The following DENND2D variants were observed in gnomAD, a reference collection of about 807,000 sequenced individuals.
DENND2D encodes the protein DENN domain containing 2D, also known as DENN domain-containing protein 2D.
In DENND2D, 37 loss-of-function variants were observed where a neutral mutation model predicts 59.8. The observed-to-expected ratio is 0.62, with a 90% CI of 0.48 to 0.81. The LOEUF is 0.81. DENND2D is among the 40% of genes least tolerant of loss of function. The pLI is 0.00. For synonymous variants in DENND2D, 219 were observed against 211.3 expected (o/e 1.04, Z -0.31); for missense variants, 525 against 579.7 (o/e 0.91, Z 0.97).
chr1:111,200,898 C>A (rs1366276655), upstream of DENND2D: 2 of 216,796 alleles, frequency 9.2e-6, no homozygotes, highest in South Asian at 1.0e-4. Flanking sequence ...TAGTGTCAGA[C>A]TGTGGGCACT....
At chr1:111,187,720 G>C in intron 11 of DENND2D, 39 bp from the exon 12 acceptor site, 1 of 1,495,242 alleles carries the variant, frequency 6.7e-7, no homozygotes. Flanking sequence ...CATCTGATCT[G>C]GTCAGGCAGA....
Position 111,188,727 on chromosome 1 carries a change from A to C in DENND2D, c.1074T>G (p.Leu358=). 1 of 1,614,106 alleles carries C rather than the reference A, an allele frequency of 6.2e-7. No individual in the cohort carries two copies. Among genetic ancestry groups the C allele is most frequent in the Non-Finnish European group, 8.5e-7 (1 of 1,179,986 alleles). The stretch of plus-strand genomic sequence containing the variant: ...TCTTTAACTCATTGATCCCCTGACC[A>C]AGAGAGTCTAAGATGTCATCCTGAA... The part of the protein sequence containing the change: ...PKLQDDILDS[L]GQGINELKTA... The change falls in exon 10 of 12, where the codon CTT becomes CTG. Residue 358 remains leucine, a synonymous_variant. Coordinates refer to ENST00000357640, the MANE Select transcript of DENND2D (RefSeq NM_024901.5).
chr1:111,194,873 A>G, intron 6 of DENND2D, 147 bp from the exon 7 acceptor site: 3 of 870,054 alleles, frequency 3.4e-6, no homozygotes, highest in Non-Finnish European at 5.3e-6. Context: ...AATTGGCTGG[A>G]GGACAGCACT....
At chr1:111,188,881 C>G in intron 9 of DENND2D, 95 bp from the exon 10 acceptor site, 1 of 1,021,820 alleles carries the variant, frequency 9.8e-7, no homozygotes, top group Non-Finnish European at 1.5e-6. Flanking sequence ...ATTCTACACC[C>G]CCACTCCACC....
intron 10 of DENND2D, 26 bp downstream of exon 10, chr1:111,188,676 G>A: frequency 6.3e-7 from 1 of 1,592,018 alleles, no homozygotes; most frequent in Non-Finnish European, 8.6e-7. Context: ...TGCCTGGAGA[G>A]ACCCAAAATA....
Position 111,187,526 on chromosome 1 carries a change from T to C in DENND2D, c.*79A>G. 9 of 1,244,094 alleles carry C rather than the reference T, an allele frequency of 7.2e-6. No homozygotes were observed. Among genetic ancestry groups the C allele is most frequent in the South Asian group, 1.2e-5 (1 of 81,144 alleles). The allele number at this position is 1,244,094 out of a possible 1,614,324, so 77.1% of individuals were successfully genotyped here. On this transcript the variant is annotated 3_prime_UTR_variant, in exon 12 of 12. Transcript: ENST00000357640. ...ATATGGATTTTGGGAGCTGACAGTT[T>C]TGCTGATCCTGCCACACTGGCAGGG... is the stretch of plus-strand genomic sequence containing the variant.
chr1:111,201,618 G>A (rs1291048981), upstream of DENND2D, among the ~76,000 whole-genome samples: 1 of 152,196 alleles, frequency 6.6e-6, no homozygotes, highest in Non-Finnish European at 1.5e-5. Context: ...ACCCCTGAAT[G>A]AGTAAATACA....
chr1:111,192,467 C>T, intron 7 of DENND2D, 150 bp from the exon 8 acceptor site: 1 of 771,058 alleles, frequency 1.3e-6, no homozygotes, highest in Non-Finnish European at 1.9e-6. Flanking sequence ...GGTCACAGAG[C>T]TTGAACGTAC....
Position 111,200,430 on chromosome 1 carries a change from G to C in DENND2D, c.30C>G (p.Phe10Leu). 1 of 1,612,324 alleles carries C rather than the reference G, an allele frequency of 6.2e-7. No individual in the cohort carries two copies. The highest frequency in any genetic ancestry group is 8.5e-7 in the Non-Finnish European group (1 of 1,179,182). The change falls in exon 1 of 12, where the codon TTC (phenylalanine) becomes TTG (leucine). Residue 10 changes from phenylalanine (F) to leucine (L), a missense_variant. Physicochemically the swap from Phe to Leu is conservative, Grantham distance 22. This residue lies in a region of DENND2D where 253 missense variants were observed against 246.4 expected (regional missense o/e 1.03). Transcript: ENST00000357640. The stretch of plus-strand genomic sequence containing the variant: ...GAAGCAGTCGGCGTTGGAAGAGCCT[G>C]AACACCCGGCCTACCACTTGTCCTT... MEGQVVGRV[F>L]RLFQRRLLQL...
chr1:111,198,548 G>A, intron 3 of DENND2D, 82 bp downstream of exon 3: 1 of 1,343,194 alleles, frequency 7.4e-7, no homozygotes, highest in South Asian at 1.2e-5. Flanking sequence ...TGACAGCAGT[G>A]AGGGAGGCTA....
chr1:111,191,950 TCTAGGCA>T (rs1657814020), intron 8 of DENND2D, among the ~76,000 whole-genome samples, 183 bp downstream of exon 8: 1 of 152,182 alleles, frequency 6.6e-6, no homozygotes, highest in African/African-American at 2.4e-5. Flanking sequence ...GGTTAGGAGC[TCTAGGCA>T]GGTGGTTTCC....
chr1:111,198,869 T>C (rs1236804227), intron 2 of DENND2D, 127 bp from the exon 3 acceptor site: 16 of 883,922 alleles, frequency 1.8e-5, no homozygotes, highest in Non-Finnish European at 2.8e-5. Context: ...TCCACTAGCA[T>C]AGGGGCGAAG....
chr1:111,196,084 C>A (rs370888665), intron 5 of DENND2D, 28 bp from the exon 6 acceptor site: 23 of 1,585,060 alleles, frequency 1.5e-5, no homozygotes, highest in Admixed American at 3.4e-5. Flanking sequence ...ACGGGAGGCA[C>A]GGCTCAAAGG....
Position 111,197,992 on chromosome 1 carries a change from A to G in DENND2D, c.357-3T>C. 1 of 1,613,864 alleles carries G rather than the reference A, an allele frequency of 6.2e-7. No homozygotes were observed. Among genetic ancestry groups the G allele is most frequent in the African/African-American group, 1.3e-5 (1 of 75,040 alleles). ...TCAGAACGAAGGAGAAGGTCTCCCT[A>G]AGAAAGAGCAGACAAGGCTTGATTT... On this transcript the variant is annotated splice_region_variant and splice_polypyrimidine_tract_variant and intron_variant, in intron 3 of 11. Transcript: ENST00000357640.
At chr1:111,192,809 T>TG (rs1657901671) in intron 7 of DENND2D, among the ~76,000 whole-genome samples, 1 of 152,172 alleles carries the variant, frequency 6.6e-6, no homozygotes, top group East Asian at 1.9e-4. Flanking sequence ...GCAAAGCCTT[T>TG]TTACCTCGCT....
chr1:111,203,818 C>T (rs928680479), upstream of DENND2D, among the ~76,000 whole-genome samples: 5 of 151,718 alleles, frequency 3.3e-5, no homozygotes, highest in East Asian at 2.0e-4. Context: ...TGTTTGTGGC[C>T]GGTGGCTATC....
upstream of DENND2D, chr1:111,204,270 C>G (rs902718467): frequency 4.1e-6 from 6 of 1,464,080 alleles, no homozygotes; most frequent in South Asian, 6.7e-5. Context: ...CGCCGTCCCC[C>G]CGCGCTCTCC....
chr1:111,199,816 C>A lies in DENND2D; in HGVS notation c.68-18G>T. On this transcript the variant is annotated intron_variant, in intron 1 of 11. Transcript: ENST00000357640. ...GGGTGGTCCTGAAATCAAGCCAGAG[C>A]CCATTTAGTATAATCTCATTGATCC... The A allele has an allele frequency of 6.2e-7, 1 of 1,607,754 alleles. No homozygotes were observed. Among genetic ancestry groups the A allele is most frequent in the South Asian group, 1.1e-5 (1 of 90,362 alleles).
chr1:111,194,854 C>T, intron 6 of DENND2D, 128 bp from the exon 7 acceptor site: 1 of 1,037,990 alleles, frequency 9.6e-7, no homozygotes, highest in Non-Finnish European at 1.4e-6. Flanking sequence ...GTCTCTCTGT[C>T]CCCCTGCTAA....
Sources: allele counts gnomAD v4.1 joint callset (sites outside exome capture counted in the v4.1 genomes callset), GRCh38; gene constraint gnomAD v4.1.1; regional missense constraint gnomAD v4.1.1; transcripts MANE v1.5; gene names NCBI Gene and HGNC (gene_info 2026-07-23, HGNC 2026-07-21).